The following ANKRD12 variants were observed in gnomAD, a reference collection of about 807,000 sequenced individuals.
ANKRD12 encodes the protein ankyrin repeat domain 12.
In ANKRD12, 85 loss-of-function variants were observed where a neutral mutation model predicts 183.4. The observed-to-expected ratio is 0.46, with a 90% CI of 0.39 to 0.56. The LOEUF is 0.56. Ranked by LOEUF, ANKRD12 falls within the 20% of genes least tolerant of loss-of-function variation. The pLI is 0.00. For synonymous variants in ANKRD12, 914 were observed against 800.2 expected, an observed-to-expected ratio of 1.14 and a Z score of -2.40; for missense variants, 2,405 against 2,357.1, an observed-to-expected ratio of 1.02 and a Z score of -0.42.
rs1032755832 is a variant in ANKRD12 at position 9,168,555 on chromosome 18, C to T, written c.-51-13827C>T. On this transcript the variant is annotated intron_variant, in intron 1 of 12. Transcript: ENST00000262126. The stretch of plus-strand genomic sequence containing the variant: ...ATAGTAGTTTGTATTTCTGTGGGAT[C>T]GGTGGTGGTATCCCCTTTGTCATTT... Among the ~76,000 whole-genome samples, 7 of 152,202 alleles carry T rather than the reference C, an allele frequency of 4.6e-5. No individual in the cohort carries two copies. In the East Asian group the frequency reaches 5.8e-4, roughly 13 times the overall value.
intron 11 of ANKRD12, 75 bp from the exon 12 acceptor site, chr18:9,279,474 C>T: frequency 1.2e-6 from 1 of 858,682 alleles, no homozygotes; most frequent in Non-Finnish European, 1.9e-6. Context: ...CAGCATATAC[C>T]ATAAAAATAC....
At chr18:9,151,656 A>C (rs772654143) in intron 1 of ANKRD12, among the ~76,000 whole-genome samples, 4 of 152,160 alleles carry the variant, frequency 2.6e-5, no homozygotes, top group Non-Finnish European at 5.9e-5. Flanking sequence ...GTCCTTTGCT[A>C]GTTGTCTTTT....
intron 1 of ANKRD12, among the ~76,000 whole-genome samples, chr18:9,156,147 A>AAAG (rs1397104896): frequency 1.3e-5 from 2 of 151,068 alleles, no homozygotes; most frequent in East Asian, 1.9e-4. Flanking sequence ...CAAAAAAAAA[A>AAAG]AAAAAAAAGA....
chr18:9,191,536 G>A (rs1182493295), intron 2 of ANKRD12, among the ~76,000 whole-genome samples: 4 of 152,238 alleles, frequency 2.6e-5, no homozygotes, highest in East Asian at 1.9e-4. Context: ...CTGCAAGGGA[G>A]AAGGGATTTT....
chr18:9,263,627 C>G (rs1018172812), intron 9 of ANKRD12, among the ~76,000 whole-genome samples, 163 bp from the exon 10 acceptor site: 5 of 152,236 alleles, frequency 3.3e-5, no homozygotes, highest in African/African-American at 1.2e-4. Flanking sequence ...TCAATGTTTC[C>G]AAACAGAAGT....
At chr18:9,251,625 C>T (rs1487751651) in intron 8 of ANKRD12, among the ~76,000 whole-genome samples, 1 of 152,014 alleles carries the variant, frequency 6.6e-6, no homozygotes, top group Non-Finnish European at 1.5e-5. Flanking sequence ...GAAACCCTGT[C>T]TCTACTGAAG....
At position 9,262,786 on chromosome 18, in the gene ANKRD12, CCT is replaced by C. The variant is rs2039050963; in HGVS notation, c.5665-1003_5665-1002del. ...AGCCACCATGCCCAGCCAAGATGTC[CCT>C]TTTTTTTTTTTTTTTTTTTTTTTTT... On this transcript the variant is annotated intron_variant, in intron 9 of 12. Coordinates refer to ENST00000262126, the MANE Select transcript of ANKRD12 (RefSeq NM_015208.5). Among the ~76,000 whole-genome samples, 15 of 87,932 alleles carry C rather than the reference CCT, an allele frequency of 1.7e-4. 2 individuals are homozygous for C. The highest frequency in any genetic ancestry group is 2.7e-4 in the Admixed American group (2 of 7,336). 57.7% of individuals were successfully genotyped at this position (87,932 alleles called of 152,430 possible).
rs1344114008 is a variant in ANKRD12, at chr18:9,284,615, A to T, written c.*3489A>T. On this transcript the variant is annotated 3_prime_UTR_variant, in exon 13 of 13. Coordinates refer to ENST00000262126, the MANE Select transcript of ANKRD12 (RefSeq NM_015208.5). ...TAGTGGTTAAAATATCTTGTAATTC[A>T]TCATTATTTAAGTGACTTCTTGGGA... 1 of 152,178 alleles carries T rather than the reference A, an allele frequency of 6.6e-6. No homozygotes were observed. The highest frequency in any genetic ancestry group is 2.4e-5 in the African/African-American group (1 of 41,452). 9.4% of individuals were successfully genotyped at this position (152,178 alleles called of 1,614,324 possible).
rs546111802 is a variant in ANKRD12 at position 9,179,540 on chromosome 18, G to C, written c.-51-2842G>C. Among the ~76,000 whole-genome samples, 50 of 152,232 alleles carry C rather than the reference G, an allele frequency of 3.3e-4. 1 individual carries two copies. The South Asian group carries it at 0.01, about 31-fold the overall frequency. On this transcript the variant is annotated intron_variant, in intron 1 of 12. Coordinates refer to ENST00000262126, the MANE Select transcript of ANKRD12 (RefSeq NM_015208.5). ...GATTTTTTTGAGGGGGGCAGGGGCA[G>C]GGCCTCATTCTGTCACCCAGACTGG...
intron 1 of ANKRD12, among the ~76,000 whole-genome samples, chr18:9,166,483 A>G (rs1488248537): frequency 6.6e-6 from 1 of 151,954 alleles, no homozygotes; most frequent in Non-Finnish European, 1.5e-5. Context: ...GATGATGAGC[A>G]TTTTTTCATG....
intron 2 of ANKRD12, among the ~76,000 whole-genome samples, chr18:9,192,867 G>A (rs1057085001): frequency 6.6e-6 from 1 of 151,364 alleles, no homozygotes; most frequent in Non-Finnish European, 1.5e-5. Flanking sequence ...AATTTTTTAT[G>A]GCGATGAGGT....
At chr18:9,146,880 A>G (rs1400108444) in intron 1 of ANKRD12, among the ~76,000 whole-genome samples, 2 of 152,226 alleles carry the variant, frequency 1.3e-5, no homozygotes, top group East Asian at 3.9e-4. Context: ...GGATAAAGAA[A>G]AACGTAGCAG....
intron 1 of ANKRD12, among the ~76,000 whole-genome samples, chr18:9,174,742 C>A (rs1487658330): frequency 6.6e-6 from 1 of 152,194 alleles, no homozygotes; most frequent in African/African-American, 2.4e-5. Flanking sequence ...GCTGAATTCA[C>A]TTGCTGTTGT....
At chr18:9,229,662 G>T (rs2036929750) in intron 8 of ANKRD12, among the ~76,000 whole-genome samples, 3 of 152,038 alleles carry the variant, frequency 2.0e-5, no homozygotes, top group Admixed American at 2.0e-4. Flanking sequence ...CTTTGTATCT[G>T]CAACGTTACT....
At chr18:9,212,010 A>G (rs1489300295) in intron 6 of ANKRD12, among the ~76,000 whole-genome samples, 1 of 152,104 alleles carries the variant, frequency 6.6e-6, no homozygotes, top group African/African-American at 2.4e-5. Flanking sequence ...ACTTTAGTTG[A>G]CATATTACTT....
intron 10 of ANKRD12, among the ~76,000 whole-genome samples, chr18:9,266,999 A>G (rs2039328478): frequency 6.6e-6 from 1 of 151,938 alleles, no homozygotes; most frequent in Admixed American, 6.6e-5. Flanking sequence ...TGAAACCAAC[A>G]AAGATCAAAA....
At chr18:9,254,103 TTGAAA>T in intron 8 of ANKRD12, 103 bp from the exon 9 acceptor site, 1 of 1,207,808 alleles carries the variant, frequency 8.3e-7, no homozygotes, top group Non-Finnish European at 1.1e-6. Context: ...TATGAATTGT[TTGAAA>T]TATGTATTGT....
chr18:9,144,270 A>C (rs570999723), intron 1 of ANKRD12, among the ~76,000 whole-genome samples: 1 of 152,306 alleles, frequency 6.6e-6, no homozygotes, highest in South Asian at 2.1e-4. Flanking sequence ...AAAGGTTATT[A>C]ATTCTCCAAC....
intron 1 of ANKRD12, among the ~76,000 whole-genome samples, chr18:9,138,800 C>T (rs1227209629): frequency 1.3e-5 from 2 of 152,106 alleles, no homozygotes; most frequent in Non-Finnish European, 2.9e-5. Context: ...GAAATGTTTA[C>T]CCCTGGAGAT....
Sources: allele counts gnomAD v4.1 joint callset (sites outside exome capture counted in the v4.1 genomes callset), GRCh38; gene constraint gnomAD v4.1.1; transcripts MANE v1.5; gene names NCBI Gene and HGNC (gene_info 2026-07-23, HGNC 2026-07-21).